Variants in PLEKHG7 observed in about 807,000 individuals in gnomAD.
The protein encoded by PLEKHG7 is pleckstrin homology domain-containing family G member 7.
PLEKHG7 carries 77 observed loss-of-function variants against 85.2 expected under a neutral mutation model. The ratio of observed to expected loss-of-function variants is 0.90; its 90% CI spans 0.75 to 1.09. The LOEUF is 1.09. Ranked by LOEUF, PLEKHG7 falls within the 50% of genes least tolerant of loss-of-function variation. The pLI, the probability that PLEKHG7 is intolerant of heterozygous loss-of-function variation, is 0.00. For missense variants in PLEKHG7, 777 were observed against 804.3 expected, an observed-to-expected ratio of 0.97 and a Z score of 0.41; for synonymous variants, 301 against 302.4, an observed-to-expected ratio of 1.00 and a Z score of 0.05.
chr12:92,720,514 A>C (rs936768089), intron 3 of PLEKHG7, among the ~76,000 whole-genome samples: 1 of 151,960 alleles, frequency 6.6e-6, no homozygotes, highest in Non-Finnish European at 1.5e-5. Context: ...TTTAGTAGAG[A>C]CAGGGTCCCA....
intron 3 of PLEKHG7, among the ~76,000 whole-genome samples, chr12:92,710,806 G>A (rs1212178774): frequency 6.6e-6 from 1 of 152,172 alleles, no homozygotes; most frequent in Admixed American, 6.5e-5. Flanking sequence ...TTGTTCATGG[G>A]CCCATCGGGC....
intron 3 of PLEKHG7, among the ~76,000 whole-genome samples, chr12:92,723,227 T>C (rs1023287820): frequency 6.6e-6 from 1 of 152,196 alleles, no homozygotes; most frequent in Non-Finnish European, 1.5e-5. Context: ...TCTGAGTATA[T>C]GTGGATTGGG....
chr12:92,765,666 C>T (rs36126684), intron 15 of PLEKHG7, among the ~76,000 whole-genome samples: 43 of 151,614 alleles, frequency 2.8e-4, no homozygotes, highest in Non-Finnish European at 5.6e-4. Context: ...CAGCAGCACA[C>T]ACTTGTACTC....
Position 92,764,882 on chromosome 12 carries a change from C to CT in PLEKHG7, c.1870+689dup, listed in dbSNP as rs555289574. Among the ~76,000 whole-genome samples the CT allele has an allele frequency of 6.6e-3, 999 of 152,208 alleles. 9 individuals are homozygous for CT. Among genetic ancestry groups the CT allele is most frequent in the Non-Finnish European group, 0.011 (756 of 68,012 alleles). On this transcript the variant is annotated intron_variant, in intron 15 of 16. Coordinates refer to ENST00000344636, the MANE Select transcript of PLEKHG7 (RefSeq NM_001377329.1). The stretch of plus-strand genomic sequence containing the variant: ...CCTCTGTCAGAAAAGCCCTGGGACT[C>CT]TGAGTTACTCAAGGCTTGAGTGGGC...
intron 13 of PLEKHG7, among the ~76,000 whole-genome samples, chr12:92,761,075 G>A (rs1872975989): frequency 6.6e-6 from 1 of 152,118 alleles, no homozygotes; most frequent in Non-Finnish European, 1.5e-5. Flanking sequence ...TAATGCTACT[G>A]GATCAGTGCA....
At chr12:92,748,166 T>C (rs1199768958) in intron 10 of PLEKHG7, among the ~76,000 whole-genome samples, 1 of 152,084 alleles carries the variant, frequency 6.6e-6, no homozygotes, top group Non-Finnish European at 1.5e-5. Flanking sequence ...ATATGTACAA[T>C]TGTATATGAA....
At chr12:92,761,620 A>T (rs1449534904) in intron 13 of PLEKHG7, 132 bp from the exon 14 acceptor site, 8 of 1,039,166 alleles carry the variant, frequency 7.7e-6, no homozygotes, top group Non-Finnish European at 1.0e-5. Context: ...AGAAAGAAAG[A>T]AAGAAGAAAG....
In PLEKHG7 at chr12:92,746,215, C is replaced by T. The variant is rs567509483; in HGVS notation, c.1251+624C>T. Among the ~76,000 whole-genome samples the T allele has an allele frequency of 5.9e-5, 9 of 152,314 alleles. No individual in the cohort carries two copies. The East Asian group carries it at 1.2e-3, about 20-fold the overall frequency. ...GATATTTCTTTAGTCTGAACTGAAC[C>T]TTTTCAGTCCTGTGCCAGAGCCCTT... On this transcript the variant is annotated intron_variant, in intron 10 of 16. Coordinates refer to ENST00000344636, the MANE Select transcript of PLEKHG7 (RefSeq NM_001377329.1).
Position 92,743,791 on chromosome 12 carries a change from C to T in PLEKHG7, c.1138-1687C>T, listed in dbSNP as rs372359109. Reference sequence around the variant, plus strand: ...GCCAGGCTGCTCTCGAACTCCTGACCTCAGGTGATCCACCTGCCTCGGTCT... The same window carrying T: ...GCCAGGCTGCTCTCGAACTCCTGACTTCAGGTGATCCACCTGCCTCGGTCT... On this transcript the variant is annotated intron_variant, in intron 9 of 16. Transcript: ENST00000344636. Among the ~76,000 whole-genome samples, 82 of 152,276 alleles carry T rather than the reference C, an allele frequency of 5.4e-4. No homozygotes were observed. In the East Asian group the frequency reaches 0.011, roughly 21 times the overall value.
chr12:92,765,614 A>T (rs559562262), intron 15 of PLEKHG7, among the ~76,000 whole-genome samples: 1 of 148,364 alleles, frequency 6.7e-6, no homozygotes, highest in South Asian at 2.1e-4. Context: ...GGGCAACAAG[A>T]GTGAAACTCC....
intron 3 of PLEKHG7, among the ~76,000 whole-genome samples, chr12:92,728,009 A>G: frequency 7.3e-6 from 1 of 136,162 alleles, no homozygotes; most frequent in African/African-American, 2.8e-5. Flanking sequence ...TCCATGGTGT[A>G]TATATAAATA....
chr12:92,763,661 A>T (rs1016153028), intron 14 of PLEKHG7, among the ~76,000 whole-genome samples: 58 of 151,974 alleles, frequency 3.8e-4, no homozygotes, highest in Admixed American at 3.8e-3. Context: ...CAAAAAAATT[A>T]AAAAATTAGC....
intron 13 of PLEKHG7, 86 bp from the exon 14 acceptor site, chr12:92,761,666 G>GAAAGAA (rs1203405869): frequency 5.2e-6 from 7 of 1,340,972 alleles, no homozygotes; most frequent in African/African-American, 1.6e-5. Flanking sequence ...AAGAAAGAAA[G>GAAAGAA]AAAGAAAGAA....
rs1401019116 is a variant in PLEKHG7, at chr12:92,761,630, GAAAGAA to G, written c.1637-120_1637-115del. 1.4e-4 allele frequency: 19 copies of G among 135,256 alleles called. No homozygotes were observed. In the African/African-American group the frequency reaches 1.6e-3, roughly 11 times the overall value. The allele number at this position is 135,256 out of a possible 1,614,324, so 8.4% of individuals were successfully genotyped here. On this transcript the variant is annotated intron_variant, in intron 13 of 16. Coordinates refer to ENST00000344636, the MANE Select transcript of PLEKHG7 (RefSeq NM_001377329.1). ...GAAAAAGAAAGAAAGAAAGAAGAAAGAAAGAAAGAAAGAAAGAAAGAAAGAAAGAAA... is the reference window on the plus strand; with the variant it reads ...GAAAAAGAAAGAAAGAAAGAAGAAAGAGAAAGAAAGAAAGAAAGAAAGAAA...
intron 3 of PLEKHG7, among the ~76,000 whole-genome samples, chr12:92,723,823 C>T (rs748274957): frequency 2.0e-5 from 3 of 152,070 alleles, no homozygotes; most frequent in Non-Finnish European, 4.4e-5. Flanking sequence ...AAGATGAATC[C>T]TTCCACCCCA....
intron 3 of PLEKHG7, chr12:92,708,671 A>C (rs369366243): frequency 6.6e-6 from 1 of 152,174 alleles, no homozygotes; most frequent in Non-Finnish European, 1.5e-5. Flanking sequence ...AAGGGCTCCC[A>C]TGGGTCCATG....
At chr12:92,729,842 A>T (rs1160600828) in intron 4 of PLEKHG7, among the ~76,000 whole-genome samples, 1 of 152,186 alleles carries the variant, frequency 6.6e-6, no homozygotes, top group Non-Finnish European at 1.5e-5. Flanking sequence ...CAATGCTTGC[A>T]GCTGAGATGA....
chr12:92,767,527 T>A (rs896983754), intron 15 of PLEKHG7, among the ~76,000 whole-genome samples: 3 of 152,038 alleles, frequency 2.0e-5, no homozygotes, highest in African/African-American at 7.2e-5. Context: ...AAAGTCATTT[T>A]AATAGGTTTA....
At position 92,761,658 on chromosome 12, in the gene PLEKHG7, GAAAGAAAGAAAGA is replaced by G. The variant is rs1178961879; in HGVS notation, c.1637-91_1637-79del. 5.4e-6 allele frequency: 7 copies of G among 1,301,480 alleles called. No individual in the cohort carries two copies. The East Asian group carries it at 9.7e-5, about 18-fold the overall frequency. The allele number at this position is 1,301,480 out of a possible 1,614,324, so 80.6% of individuals were successfully genotyped here. A position where few individuals can be genotyped will look rare whatever the true frequency, so the allele number is the denominator to read the frequency against. The stretch of plus-strand genomic sequence containing the variant: ...AGAAAGAAAGAAAGAAAGAAAGAAA[GAAAGAAAGAAAGA>G]AAGAAAGAAAGAAAGGGAAAGAAAA... On this transcript the variant is annotated intron_variant, in intron 13 of 16. Coordinates refer to ENST00000344636, the MANE Select transcript of PLEKHG7 (RefSeq NM_001377329.1).
Sources: gnomAD v4.1 joint callset for allele counts (sites outside exome capture counted in the v4.1 genomes callset) on GRCh38, gnomAD v4.1.1 for gene constraint, MANE v1.5 for transcripts, NCBI Gene and HGNC (gene_info 2026-07-23, HGNC 2026-07-21) for gene names.